RNF130: variants seen among roughly 807,000 people sequenced by gnomAD.
RNF130 encodes E3 ubiquitin-protein ligase RNF130.
Under a neutral mutation model 44.6 loss-of-function variants are expected in RNF130, and 21 were observed. The ratio of observed to expected loss-of-function variants is 0.47; its 90% CI spans 0.33 to 0.68. The LOEUF (loss-of-function observed/expected upper bound fraction) is 0.68, where lower values mean the gene tolerates loss of function less well. Ranked by LOEUF, RNF130 falls within the 30% of genes least tolerant of loss-of-function variation. RNF130 has a pLI of 0.02. For synonymous variants in RNF130, 214 were observed against 210.4 expected, an observed-to-expected ratio of 1.02 and a Z score of -0.15; for missense variants, 479 against 560.6, an observed-to-expected ratio of 0.85 and a Z score of 1.47.
In RNF130 at chr5:179,959,622, G is replaced by A. The variant is rs560046668; in HGVS notation, c.1244+3849C>T. ...AGTCTGGGTAACAGAGCGAGACTCC[G>A]TCTCAAAAAAAAAAAAAGAGTACTG... is the stretch of plus-strand genomic sequence containing the variant. On this transcript the variant is annotated intron_variant, in intron 8 of 8. Transcript: ENST00000521389. 4.8e-4 allele frequency among the ~76,000 whole-genome samples: 71 copies of A among 148,278 alleles called. No homozygotes were observed. The South Asian group carries it at 0.013, about 27-fold the overall frequency.
intron 1 of RNF130, among the ~76,000 whole-genome samples, chr5:180,042,109 G>A (rs2113142795): frequency 6.6e-6 from 1 of 152,258 alleles, no homozygotes; most frequent in South Asian, 2.1e-4. Context: ...GTGGGAAAAT[G>A]TTGGCTTTCT....
intron 7 of RNF130, among the ~76,000 whole-genome samples, chr5:179,923,522 A>G (rs1761662730): frequency 6.6e-6 from 1 of 152,354 alleles, no homozygotes; most frequent in African/African-American, 2.4e-5. Context: ...GACAGACTGT[A>G]ACCGATTCTT....
chr5:179,980,714 C>T (rs1250319895), intron 3 of RNF130, among the ~76,000 whole-genome samples: 4 of 152,320 alleles, frequency 2.6e-5, no homozygotes, highest in Middle Eastern at 3.4e-3. Flanking sequence ...ACTTCTGGCT[C>T]GCTATACTAT....
At chr5:179,985,382 T>C (rs1762931079) in intron 3 of RNF130, among the ~76,000 whole-genome samples, 1 of 152,124 alleles carries the variant, frequency 6.6e-6, no homozygotes, top group Non-Finnish European at 1.5e-5. Flanking sequence ...TTCTACAGCA[T>C]TAAATGCTTT....
intron 8 of RNF130, among the ~76,000 whole-genome samples, chr5:179,957,683 C>T (rs938280937): frequency 6.6e-6 from 1 of 152,132 alleles, no homozygotes; most frequent in African/African-American, 2.4e-5. Context: ...TCCCTCGAAG[C>T]CCTACTTTAT....
intron 3 of RNF130, among the ~76,000 whole-genome samples, chr5:179,990,418 G>A (rs1358714476): frequency 6.6e-6 from 1 of 152,202 alleles, no homozygotes; most frequent in African/African-American, 2.4e-5. Context: ...TCTAGAGGGC[G>A]GAGCCAGGTG....
At chr5:179,912,178 G>A (rs2113663741) in exon 8 of RNF130, 1 of 152,168 alleles carries the variant, frequency 6.6e-6, no homozygotes, top group South Asian at 2.1e-4. Context: ...AGTACGGTGG[G>A]CTCTTTCAAT....
intron 1 of RNF130, among the ~76,000 whole-genome samples, chr5:180,066,769 G>A (rs1478744234): frequency 6.6e-6 from 1 of 152,082 alleles, no homozygotes; most frequent in Non-Finnish European, 1.5e-5. Flanking sequence ...GGAGGTGGAG[G>A]TTGCGGTGAG....
intron 2 of RNF130, among the ~76,000 whole-genome samples, chr5:180,025,014 G>C (rs564252414): frequency 1.3e-5 from 2 of 152,316 alleles, no homozygotes; most frequent in East Asian, 1.9e-4. Context: ...TAATACAAAA[G>C]ACAGACCTGC....
At chr5:180,039,032 T>C (rs1422728445) in intron 2 of RNF130, among the ~76,000 whole-genome samples, 1 of 152,218 alleles carries the variant, frequency 6.6e-6, no homozygotes, top group Admixed American at 6.5e-5. Flanking sequence ...GAGTCCTGTG[T>C]TTCCACATAG....
chr5:180,065,380 C>T (rs1446154533), intron 1 of RNF130, among the ~76,000 whole-genome samples: 2 of 152,212 alleles, frequency 1.3e-5, no homozygotes, highest in African/African-American at 4.8e-5. Context: ...ACAATGTTCC[C>T]GTTTTATGGC....
downstream of RNF130, among the ~76,000 whole-genome samples, chr5:179,950,437 C>T (rs1762109013): frequency 6.6e-6 from 1 of 152,136 alleles, no homozygotes; most frequent in African/African-American, 2.4e-5. Context: ...CATTTTGATA[C>T]TAATCGTATT....
rs895830129 is a variant in RNF130 at position 180,065,960 on chromosome 5, T to C, written c.247+5496A>G. Among the ~76,000 whole-genome samples the C allele has an allele frequency of 2.6e-5, 4 of 152,218 alleles. No individual in the cohort carries two copies. In the East Asian group the frequency reaches 7.7e-4, roughly 29 times the overall value. ...AAGAAAAGATAAAAATTTTACATAT[T>C]GCAGACTTTATAAAATTATTCAATC... On this transcript the variant is annotated intron_variant, in intron 1 of 8. Coordinates refer to ENST00000521389, the MANE Select transcript of RNF130 (RefSeq NM_018434.6).
At chr5:179,960,247 A>T (rs1762296538) in intron 8 of RNF130, among the ~76,000 whole-genome samples, 1 of 152,168 alleles carries the variant, frequency 6.6e-6, no homozygotes, top group African/African-American at 2.4e-5. Context: ...CAATATGTAA[A>T]TATATTTACC....
intron 3 of RNF130, among the ~76,000 whole-genome samples, chr5:179,981,878 A>G (rs1229987037): frequency 4.6e-5 from 7 of 152,188 alleles, no homozygotes; most frequent in Non-Finnish European, 1.0e-4. Context: ...CCTTATGGAG[A>G]TATAATTGAC....
At chr5:179,954,694 G>A (rs2113691658), downstream of RNF130, among the ~76,000 whole-genome samples, 1 of 152,250 alleles carries the variant, frequency 6.6e-6, no homozygotes, top group Middle Eastern at 3.4e-3. Flanking sequence ...ACTTTAAACG[G>A]GTAATTTTAT....
intron 8 of RNF130, among the ~76,000 whole-genome samples, chr5:179,957,538 A>G (rs1029324472): frequency 1.3e-5 from 2 of 152,204 alleles, no homozygotes; most frequent in Admixed American, 1.3e-4. Context: ...GTCTCCTTCA[A>G]CCACATTATT....
intron 7 of RNF130, among the ~76,000 whole-genome samples, chr5:179,927,879 C>T (rs1315214961): frequency 1.3e-5 from 2 of 152,112 alleles, no homozygotes; most frequent in Non-Finnish European, 2.9e-5. Context: ...TGTGAGCCAC[C>T]ATGCCCGGCC....
At chr5:180,054,766 G>C (rs1236611006) in intron 1 of RNF130, among the ~76,000 whole-genome samples, 1 of 152,152 alleles carries the variant, frequency 6.6e-6, no homozygotes, top group Non-Finnish European at 1.5e-5. Context: ...TGAATGTGTA[G>C]GTCAATTTGG....
Sources: gnomAD v4.1 joint callset for allele counts (sites outside exome capture counted in the v4.1 genomes callset) on GRCh38, gnomAD v4.1.1 for gene constraint, MANE v1.5 for transcripts, NCBI Gene and HGNC (gene_info 2026-07-23, HGNC 2026-07-21) for gene names.